The following ANKRD44 variants were observed in gnomAD, a reference collection of about 807,000 sequenced individuals.
ANKRD44 encodes serine/threonine-protein phosphatase 6 regulatory ankyrin repeat subunit B.
ANKRD44 carries 35 observed loss-of-function variants against 116.0 expected under a neutral mutation model. The ratio of observed to expected loss-of-function variants is 0.30; its 90% CI spans 0.23 to 0.40. ANKRD44 has a LOEUF of 0.40. Among genes scored for constraint, ANKRD44 ranks in the 10% least tolerant of loss-of-function variants. The probability of loss-of-function intolerance (pLI) is 1.00; values close to 1 mark genes in which losing one functional copy is unlikely to be tolerated. For synonymous variants in ANKRD44, 435 were observed against 461.8 expected (o/e 0.94, Z 0.74); for missense variants, 1,014 against 1,242.6 (o/e 0.82, Z 2.77).
intron 1 of ANKRD44, among the ~76,000 whole-genome samples, chr2:197,305,823 G>GT (rs889898950): frequency 1.3e-5 from 2 of 151,690 alleles, no homozygotes; most frequent in African/African-American, 4.8e-5. Context: ...AATTTTAACT[G>GT]GCTACCCAGA....
chr2:197,152,364 T>C (rs1163303272), intron 2 of ANKRD44, among the ~76,000 whole-genome samples: 1 of 152,172 alleles, frequency 6.6e-6, no homozygotes, highest in Non-Finnish European at 1.5e-5. Flanking sequence ...TTTTTAAAGA[T>C]TGTCCAAACA....
chr2:196,985,245 A>G (rs1356477645), downstream of ANKRD44, among the ~76,000 whole-genome samples: 1 of 152,238 alleles, frequency 6.6e-6, no homozygotes, highest in East Asian at 1.9e-4. Flanking sequence ...CACCATGATT[A>G]CAGGCTGTGA....
In ANKRD44 at chr2:197,273,983, ATATATATATATATAT is replaced by A. The variant is rs2082992939; in HGVS notation, c.27+36580_27+36594del. Among the ~76,000 whole-genome samples the A allele has an allele frequency of 1.6e-3, 46 of 28,246 alleles. 6 individuals are homozygous for A. Among genetic ancestry groups the A allele is most frequent in the African/African-American group, 7.3e-3 (37 of 5,040 alleles). 18.5% of individuals were successfully genotyped at this position (28,246 alleles called of 152,430 possible). On this transcript the variant is annotated intron_variant, in intron 1 of 27. Transcript: ENST00000282272. ...CACAAAAAAAAAAAAAAAAAAAAAT[ATATATATATATATAT>A]ATATATATATATATATATATATATA...
At chr2:197,048,563 C>A (rs1348975246) in intron 16 of ANKRD44, among the ~76,000 whole-genome samples, 1 of 152,158 alleles carries the variant, frequency 6.6e-6, no homozygotes, top group Non-Finnish European at 1.5e-5. Flanking sequence ...TGTATATGTG[C>A]CACATTTTCT....
At chr2:196,975,702 T>C (rs1166643002) in intron 21 of ANKRD44, among the ~76,000 whole-genome samples, 5 of 148,408 alleles carry the variant, frequency 3.4e-5, no homozygotes, top group African/African-American at 9.9e-5. Flanking sequence ...AAGACATGAC[T>C]GCTTGAACCT....
chr2:197,003,202 T>C (rs1009699477), intron 21 of ANKRD44, among the ~76,000 whole-genome samples: 1 of 151,006 alleles, frequency 6.6e-6, no homozygotes, highest in Admixed American at 6.6e-5. Flanking sequence ...TTCCAGCTAC[T>C]CGGGAGGCTG....
chr2:197,071,268 T>C lies in ANKRD44; in HGVS notation c.1650+7435A>G, dbSNP rs145035323. 3.3e-3 allele frequency among the ~76,000 whole-genome samples: 506 copies of C among 152,316 alleles called. 3 individuals are homozygous for C. The highest frequency in any genetic ancestry group is 0.011 in the African/African-American group (462 of 41,580). On this transcript the variant is annotated intron_variant, in intron 16 of 27. Transcript: ENST00000282272. Reference sequence around the variant, plus strand: ...TTGAGTTTAATTTGCTCTCTCCAGATTCTTGAGGTAGAAGCTTAGATTACT... The same window carrying C: ...TTGAGTTTAATTTGCTCTCTCCAGACTCTTGAGGTAGAAGCTTAGATTACT...
At chr2:197,096,501 G>A (rs184330702) in intron 10 of ANKRD44, among the ~76,000 whole-genome samples, 76 of 152,312 alleles carry the variant, frequency 5.0e-4, no homozygotes, top group Non-Finnish European at 8.2e-4. Flanking sequence ...GAATCAAACC[G>A]TAGGAAGCTG....
intron 1 of ANKRD44, among the ~76,000 whole-genome samples, chr2:197,300,396 C>T (rs1002066704): frequency 4.6e-5 from 7 of 152,184 alleles, no homozygotes; most frequent in East Asian, 3.8e-4. Flanking sequence ...CCTCAAGTAC[C>T]GCTTAGACTC....
At chr2:197,152,512 G>A (rs949069586) in intron 2 of ANKRD44, among the ~76,000 whole-genome samples, 6 of 152,176 alleles carry the variant, frequency 3.9e-5, no homozygotes, top group East Asian at 3.9e-4. Flanking sequence ...CCCATTCTAC[G>A]AATAGCCAAA....
At chr2:197,009,115 T>C in intron 18 of ANKRD44, 84 bp from the exon 19 acceptor site, 1 of 1,165,706 alleles carries the variant, frequency 8.6e-7, no homozygotes, top group Non-Finnish European at 1.3e-6. Context: ...TTTTTTGAGA[T>C]GGAGTCTTGC....
In ANKRD44 at chr2:197,212,784, G is replaced by A. The variant is rs1288973614; in HGVS notation, c.28-25678C>T. 1.3e-5 allele frequency among the ~76,000 whole-genome samples: 2 copies of A among 152,126 alleles called. No individual in the cohort carries two copies. Among genetic ancestry groups the A allele is most frequent in the South Asian group, 4.1e-4 (2 of 4,824 alleles). ...ACCCACAAGGAAGGGAGGTGGACAC[G>A]TACACACACAAACACACACTTCAAT... On this transcript the variant is annotated intron_variant, in intron 1 of 27. Coordinates refer to ENST00000282272, the MANE Select transcript of ANKRD44 (RefSeq NM_001195144.2). The surrounding 1 kb of genome is among the most constrained non-coding windows in gnomAD (Gnocchi z 4.8).
intron 16 of ANKRD44, among the ~76,000 whole-genome samples, chr2:197,030,877 A>G (rs1336819307): frequency 6.6e-6 from 1 of 152,050 alleles, no homozygotes; most frequent in Non-Finnish European, 1.5e-5. Context: ...CGGTCTCACT[A>G]TGTTGCCCAG....
intron 2 of ANKRD44, among the ~76,000 whole-genome samples, chr2:197,176,839 C>T (rs1057226246): frequency 1.8e-4 from 28 of 152,116 alleles, no homozygotes; most frequent in African/African-American, 6.8e-4. Flanking sequence ...ATCTTACCTA[C>T]CTCTCCAACC....
intron 1 of ANKRD44, chr2:197,250,885 G>C (rs1559186150): frequency 1.3e-5 from 2 of 152,210 alleles, no homozygotes; most frequent in African/African-American, 4.8e-5. Flanking sequence ...TTCATTTTGG[G>C]TGGTAAGTTA....
intron 2 of ANKRD44, among the ~76,000 whole-genome samples, chr2:197,183,649 C>T (rs2080572468): frequency 6.6e-6 from 1 of 151,420 alleles, no homozygotes; most frequent in Admixed American, 6.6e-5. Flanking sequence ...TTGTACACAC[C>T]TGAAGGAGCA....
At chr2:197,191,731 A>AT (rs1312414309) in intron 1 of ANKRD44, among the ~76,000 whole-genome samples, 3 of 152,202 alleles carry the variant, frequency 2.0e-5, no homozygotes, top group Non-Finnish European at 4.4e-5. Context: ...CCACTTCATT[A>AT]AAAACATAAA....
At chr2:197,231,607 TTTGA>T (rs1033642379) in intron 1 of ANKRD44, among the ~76,000 whole-genome samples, 4 of 151,766 alleles carry the variant, frequency 2.6e-5, no homozygotes, top group African/African-American at 9.7e-5. Context: ...TAAAGATATC[TTTGA>T]TTGTTAGCTT....
chr2:197,305,967 T>TATATATATATATATATATATATATA (rs2084057380), intron 1 of ANKRD44, among the ~76,000 whole-genome samples: 13 of 124,722 alleles, frequency 1.0e-4, no homozygotes, highest in African/African-American at 4.4e-4. Context: ...GCAGTTCGTT[T>TATATATATATATATATATATATATA]TATATATATA....
Sources: gnomAD v4.1 joint callset for allele counts (sites outside exome capture counted in the v4.1 genomes callset) on GRCh38, gnomAD v4.1.1 for gene constraint, Gnocchi (gnomAD v3.1) non-coding constraint, MANE v1.5 for transcripts, NCBI Gene and HGNC (gene_info 2026-07-23, HGNC 2026-07-21) for gene names.